The following SH3BGRL variants were observed in gnomAD, a reference collection of about 807,000 sequenced individuals.
SH3BGRL encodes adapter SH3BGRL.
Under a neutral mutation model 9.8 loss-of-function variants are expected in SH3BGRL, and 7 were observed. The ratio of observed to expected loss-of-function variants is 0.72; its 90% CI spans 0.41 to 1.35. The LOEUF (loss-of-function observed/expected upper bound fraction) is 1.35. Among genes scored for constraint, SH3BGRL ranks in the 40% most tolerant of loss-of-function variants. SH3BGRL has a pLI of 0.01. For synonymous variants in SH3BGRL, 36 were observed against 29.1 expected (o/e 1.24, Z -0.76); for missense variants, 73 against 84.4 (o/e 0.86, Z 0.53).
intron 1 of SH3BGRL, among the ~76,000 whole-genome samples, chrX:81,214,331 T>C (rs2075574852): frequency 9.0e-6 from 1 of 111,320 alleles, no homozygotes; most frequent in Admixed American, 9.5e-5. Flanking sequence ...GAGATGAGTA[T>C]ATAGACTAAT....
chrX:81,215,380 A>T (rs939290276), intron 1 of SH3BGRL, among the ~76,000 whole-genome samples: 1 of 110,984 alleles, frequency 9.0e-6, no homozygotes, highest in African/African-American at 3.3e-5. Flanking sequence ...GTGCTTAGGA[A>T]TTATCTTGCT....
chrX:81,212,829 C>G (rs12690139), intron 1 of SH3BGRL, among the ~76,000 whole-genome samples: 1 of 111,971 alleles, frequency 8.9e-6, no homozygotes, highest in Admixed American at 9.5e-5. Flanking sequence ...GTCAGTCACT[C>G]TAGGTTTCAT....
chrX:81,289,574 G>A (rs1334137237), intron 3 of SH3BGRL, among the ~76,000 whole-genome samples: 3 of 111,397 alleles, frequency 2.7e-5, no homozygotes, highest in Admixed American at 1.9e-4. Flanking sequence ...CCACTCTATA[G>A]GGGCCATGCA....
At chrX:81,266,508 A>T (rs1169586898) in intron 1 of SH3BGRL, among the ~76,000 whole-genome samples, 1 of 111,498 alleles carries the variant, frequency 9.0e-6, no homozygotes, top group Non-Finnish European at 1.9e-5. Flanking sequence ...CGAAGATCAG[A>T]TGGTTGTAGA....
At chrX:81,268,367 A>G (rs1400870376) in intron 1 of SH3BGRL, among the ~76,000 whole-genome samples, 1 of 111,683 alleles carries the variant, frequency 9.0e-6, no homozygotes, top group Non-Finnish European at 1.9e-5. Context: ...AATGCTATAA[A>G]TTTCCCTCTA....
At chrX:81,218,475 AC>A (rs1457553308) in intron 1 of SH3BGRL, among the ~76,000 whole-genome samples, 3 of 109,186 alleles carry the variant, frequency 2.7e-5, no homozygotes, top group Non-Finnish European at 5.7e-5. Context: ...TCTCAAAAAG[AC>A]TTTATCTGTC....
chrX:81,252,022 A>T (rs2147695062), intron 1 of SH3BGRL, among the ~76,000 whole-genome samples: 1 of 112,254 alleles, frequency 8.9e-6, no homozygotes, highest in African/African-American at 3.2e-5. Context: ...GTTCCCCTAA[A>T]AAGATAGTTA....
Position 81,275,436 on chromosome X carries a change from C to T in SH3BGRL, c.46-1548C>T, listed in dbSNP as rs183512407. ...TCTTAATAGGACATCTTTATATCTA[C>T]TCAAATTTGTAAATATGCTAATGAT... On this transcript the variant is annotated intron_variant, in intron 1 of 3. Transcript: ENST00000373212. Among the ~76,000 whole-genome samples the T allele has an allele frequency of 1.3e-4, 15 of 111,477 alleles. No homozygotes were observed. In the East Asian group the frequency reaches 4.0e-3, roughly 30 times the overall value.
intron 1 of SH3BGRL, among the ~76,000 whole-genome samples, chrX:81,224,624 G>A (rs773274104): frequency 2.7e-5 from 3 of 111,329 alleles, no homozygotes; most frequent in Non-Finnish European, 5.7e-5. Context: ...ATCAAGAATA[G>A]ATACTAGAAG....
chrX:81,272,685 G>T (rs1209139971), intron 1 of SH3BGRL, among the ~76,000 whole-genome samples: 1 of 109,110 alleles, frequency 9.2e-6, no homozygotes, highest in Non-Finnish European at 1.9e-5. Flanking sequence ...ATTTTTAGTG[G>T]AGACGGGGTT....
At chrX:81,210,132 G>A (rs750501632) in intron 1 of SH3BGRL, among the ~76,000 whole-genome samples, 17 of 110,455 alleles carry the variant, frequency 1.5e-4, no homozygotes, top group African/African-American at 4.9e-4. Flanking sequence ...AAGCCTTTCT[G>A]CTTGGGGGAT....
intron 1 of SH3BGRL, among the ~76,000 whole-genome samples, chrX:81,276,078 G>A (rs1392341011): frequency 2.7e-5 from 3 of 110,448 alleles, no homozygotes; most frequent in Admixed American, 1.9e-4. Context: ...TATTGATTAC[G>A]GTCCTATAAC....
At chrX:81,257,032 A>G (rs969851512) in intron 1 of SH3BGRL, among the ~76,000 whole-genome samples, 1 of 110,708 alleles carries the variant, frequency 9.0e-6, no homozygotes, top group African/African-American at 3.3e-5. Flanking sequence ...AGTACTTATT[A>G]TCATTTATTA....
intron 1 of SH3BGRL, chrX:81,202,582 T>G (rs1317999438): frequency 1.2e-6 from 1 of 812,897 alleles, no homozygotes; most frequent in Non-Finnish European, 1.5e-6. Flanking sequence ...CACTGGTGAG[T>G]TTCAAGAGTG....
At chrX:81,239,537 G>C (rs1305685904) in intron 1 of SH3BGRL, among the ~76,000 whole-genome samples, 4 of 111,517 alleles carry the variant, frequency 3.6e-5, no homozygotes, top group Non-Finnish European at 7.5e-5. Flanking sequence ...AAAAATGGTG[G>C]AAAAGGGCAA....
In SH3BGRL at chrX:81,226,270, A is replaced by G. The variant is rs755985051; in HGVS notation, c.45+24025A>G. On this transcript the variant is annotated intron_variant, in intron 1 of 3. Coordinates refer to ENST00000373212, the MANE Select transcript of SH3BGRL (RefSeq NM_003022.3). The stretch of plus-strand genomic sequence containing the variant: ...CTATTAGAGCACTTCACCTAAGGTA[A>G]GATCCCTGGCATGTCTCCTTGCAGT... Among the ~76,000 whole-genome samples, 24 of 110,339 alleles carry G rather than the reference A, an allele frequency of 2.2e-4. 1 individual carries two copies. In the East Asian group the frequency reaches 6.5e-3, roughly 30 times the overall value.
rs1036302480 is a variant in SH3BGRL at position 81,228,476 on chromosome X, T to A, written c.45+26231T>A. Reference sequence around the variant, plus strand: ...GGTTGTAGAGACCAAAGTTTTCTCATGCAGATGAAGCCACTAGGTAGCATG... The same window carrying A: ...GGTTGTAGAGACCAAAGTTTTCTCAAGCAGATGAAGCCACTAGGTAGCATG... On this transcript the variant is annotated intron_variant, in intron 1 of 3. Transcript: ENST00000373212. 5.4e-5 allele frequency among the ~76,000 whole-genome samples: 6 copies of A among 112,121 alleles called. No homozygotes were observed. In the East Asian group the frequency reaches 1.7e-3, roughly 31 times the overall value.
intron 1 of SH3BGRL, among the ~76,000 whole-genome samples, chrX:81,266,669 G>A (rs1044637744): frequency 9.0e-6 from 1 of 111,617 alleles, no homozygotes; most frequent in Non-Finnish European, 1.9e-5. Context: ...TTCTTGCCCA[G>A]GACTGTCTTG....
At chrX:81,293,112 C>T (rs1274246384) in intron 3 of SH3BGRL, among the ~76,000 whole-genome samples, 3 of 111,529 alleles carry the variant, frequency 2.7e-5, no homozygotes, top group African/African-American at 9.8e-5. Flanking sequence ...TTCCCCCATA[C>T]TGTTCTAGTG....
Sources: gnomAD v4.1 joint callset for allele counts (sites outside exome capture counted in the v4.1 genomes callset) on GRCh38, gnomAD v4.1.1 for gene constraint, MANE v1.5 for transcripts, NCBI Gene and HGNC (gene_info 2026-07-23, HGNC 2026-07-21) for gene names.